The following EPYC variants were observed in gnomAD, a reference collection of about 807,000 sequenced individuals.
The protein encoded by EPYC is epiphycan.
In EPYC, 28 loss-of-function variants were observed where a neutral mutation model predicts 30.1. The ratio of observed to expected loss-of-function variants is 0.93; its 90% CI spans 0.69 to 1.28. EPYC has a LOEUF of 1.28. EPYC is among the 50% of genes most tolerant of loss of function. EPYC has a pLI of 0.00. For synonymous variants in EPYC, 144 were observed against 141.4 expected (o/e 1.02, Z -0.13); for missense variants, 382 against 383.5 (o/e 1.00, Z 0.03).
chr12:90,974,961 C>T (rs553337128), intron 3 of EPYC, among the ~76,000 whole-genome samples: 1 of 152,152 alleles, frequency 6.6e-6, no homozygotes, highest in South Asian at 2.1e-4. Context: ...ATGTTTATAA[C>T]ATTGAAAGAC....
chr12:90,986,330 A>T (rs1412013368), intron 2 of EPYC, among the ~76,000 whole-genome samples: 1 of 152,094 alleles, frequency 6.6e-6, no homozygotes, highest in African/African-American at 2.4e-5. Flanking sequence ...AGACATTTAA[A>T]AGCTCAAGGC....
At chr12:90,979,251 A>T (rs1201154031) in intron 2 of EPYC, among the ~76,000 whole-genome samples, 1 of 152,148 alleles carries the variant, frequency 6.6e-6, no homozygotes, top group Admixed American at 6.6e-5. Context: ...GGCGACATCC[A>T]GGACCCACTT....
At chr12:90,997,762 T>A (rs1358973344) in intron 2 of EPYC, among the ~76,000 whole-genome samples, 1 of 152,102 alleles carries the variant, frequency 6.6e-6, no homozygotes, top group East Asian at 1.9e-4. Context: ...CTTATGCCAT[T>A]CTTTCTTATA....
intron 2 of EPYC, among the ~76,000 whole-genome samples, chr12:90,993,189 G>A (rs1877626200): frequency 6.6e-6 from 1 of 152,068 alleles, no homozygotes; most frequent in African/African-American, 2.4e-5. Context: ...TTCCCTTTTG[G>A]GGATAATTGA....
intron 2 of EPYC, among the ~76,000 whole-genome samples, chr12:91,000,137 G>C (rs1350412898): frequency 1.3e-5 from 2 of 152,008 alleles, no homozygotes; most frequent in African/African-American, 4.8e-5. Flanking sequence ...TTAAGTAAGG[G>C]ATAACTAATA....
At chr12:90,976,124 G>A (rs1016830431) in intron 3 of EPYC, among the ~76,000 whole-genome samples, 3 of 152,062 alleles carry the variant, frequency 2.0e-5, no homozygotes, top group African/African-American at 7.2e-5. Flanking sequence ...ACTTATTGAA[G>A]AACAGTTAAA....
intron 6 of EPYC, among the ~76,000 whole-genome samples, chr12:90,969,763 T>C (rs1876990556): frequency 6.6e-6 from 1 of 152,170 alleles, no homozygotes; most frequent in Admixed American, 6.5e-5. Context: ...CAGTGGTTTT[T>C]TTTCTAAAGA....
chr12:90,964,758 C>T (rs1876853957), intron 6 of EPYC, among the ~76,000 whole-genome samples: 1 of 152,092 alleles, frequency 6.6e-6, no homozygotes, highest in Non-Finnish European at 1.5e-5. Context: ...GAGGAATCAA[C>T]ATGGAATGCT....
intron 6 of EPYC, among the ~76,000 whole-genome samples, chr12:90,964,672 G>C (rs1876850504): frequency 6.6e-6 from 1 of 152,004 alleles, no homozygotes; most frequent in Admixed American, 6.6e-5. Flanking sequence ...AGAATGGATT[G>C]ACAAGAAGAA....
chr12:90,970,035 G>C lies in EPYC; in HGVS notation c.798+9C>G. 6.2e-7 allele frequency: 1 copy of C among 1,607,262 alleles called. No homozygotes were observed. On this transcript the variant is annotated intron_variant, in intron 6 of 6. Coordinates refer to ENST00000261172, the MANE Select transcript of EPYC (RefSeq NM_004950.5). The stretch of plus-strand genomic sequence containing the variant: ...AGCCCTTGGGCGCACCTTACTGGTA[G>C]ACTCCTACCTGGAGGTGAAGGGCTC...
At chr12:91,003,020 G>A (rs1000093996) in intron 1 of EPYC, among the ~76,000 whole-genome samples, 1 of 152,098 alleles carries the variant, frequency 6.6e-6, no homozygotes, top group East Asian at 1.9e-4. Flanking sequence ...CTGAGGCAGA[G>A]TTGACTGGTA....
intron 1 of EPYC, among the ~76,000 whole-genome samples, chr12:91,002,828 T>C (rs1877863802): frequency 6.7e-6 from 1 of 149,726 alleles, no homozygotes; most frequent in Admixed American, 6.8e-5. Context: ...TAAAATTTTA[T>C]TTTATTTTAT....
intron 2 of EPYC, among the ~76,000 whole-genome samples, chr12:90,979,050 C>G (rs1000899414): frequency 2.5e-4 from 38 of 152,072 alleles, no homozygotes; most frequent in African/African-American, 8.4e-4. Flanking sequence ...CTGCTTTGCT[C>G]TTATCTAACT....
chr12:90,978,646 A>C (rs1458075491), intron 2 of EPYC, among the ~76,000 whole-genome samples: 1 of 152,156 alleles, frequency 6.6e-6, no homozygotes, highest in Non-Finnish European at 1.5e-5. Flanking sequence ...TGTACAGAGT[A>C]AATTCAAAAC....
At chr12:91,003,486 CA>C (rs1877878732) in intron 1 of EPYC, among the ~76,000 whole-genome samples, 2 of 151,860 alleles carry the variant, frequency 1.3e-5, no homozygotes, top group Non-Finnish European at 2.9e-5. Context: ...TCTTATTTTC[CA>C]TTATAACATT....
intron 2 of EPYC, among the ~76,000 whole-genome samples, chr12:91,001,252 C>A (rs561428891): frequency 1.8e-4 from 28 of 152,092 alleles, no homozygotes; most frequent in African/African-American, 6.5e-4. Flanking sequence ...ATTTTAGTAT[C>A]TTCTTAGTAA....
chr12:90,996,293 G>A (rs1293486089), intron 2 of EPYC, among the ~76,000 whole-genome samples: 2 of 151,768 alleles, frequency 1.3e-5, no homozygotes, highest in Non-Finnish European at 2.9e-5. Flanking sequence ...TCTGGAAGTT[G>A]TCCGGAATTA....
chr12:90,971,700 A>AAATG (rs1555214855), intron 5 of EPYC, 100 bp downstream of exon 5: 1 of 386,176 alleles, frequency 2.6e-6, no homozygotes, highest in Non-Finnish European at 4.1e-6. Context: ...ATAAATAAAT[A>AAATG]AATAAATAAA....
At chr12:90,975,746 T>C (rs1341216171) in intron 3 of EPYC, among the ~76,000 whole-genome samples, 10 of 152,148 alleles carry the variant, frequency 6.6e-5, no homozygotes, top group Admixed American at 6.6e-4. Flanking sequence ...AGTAATGTTC[T>C]AGGGATATTT....
Sources: gnomAD v4.1 joint callset for allele counts (sites outside exome capture counted in the v4.1 genomes callset) on GRCh38, gnomAD v4.1.1 for gene constraint, MANE v1.5 for transcripts, NCBI Gene and HGNC (gene_info 2026-07-23, HGNC 2026-07-21) for gene names.